The following ZBP1 variants were observed in gnomAD, a reference collection of about 807,000 sequenced individuals.
The protein encoded by ZBP1 is Z-DNA-binding protein 1.
ZBP1 carries 42 observed loss-of-function variants against 41.1 expected under a neutral mutation model. That is an observed-to-expected ratio of 1.02 (90% CI 0.80 to 1.32). The LOEUF (loss-of-function observed/expected upper bound fraction) is 1.32, where lower values mean the gene tolerates loss of function less well. Ranked by LOEUF, ZBP1 falls within the 40% of genes most tolerant of loss-of-function variation. The pLI, the probability that ZBP1 is intolerant of heterozygous loss-of-function variation, is 0.00. For synonymous variants in ZBP1, 214 were observed against 205.2 expected (o/e 1.04, Z -0.37); for missense variants, 562 against 549.7 (o/e 1.02, Z -0.22).
rs2070650389 is a variant in ZBP1, at chr20:57,610,948, T to C, written c.875-581A>G. On this transcript the variant is annotated intron_variant, in intron 6 of 7. Transcript: ENST00000371173. The surrounding 1 kb of genome is among the most constrained non-coding windows in gnomAD (Gnocchi z 5.5). The stretch of plus-strand genomic sequence containing the variant: ...GCCTGGCCCCTCTCTGGAGACTCCT[T>C]TCCCGGGGCCTCTGCTTTCCTCCTC... 6.6e-6 allele frequency among the ~76,000 whole-genome samples: 1 copy of C among 152,228 alleles called. No homozygotes were observed. Among genetic ancestry groups the C allele is most frequent in the South Asian group, 2.1e-4 (1 of 4,814 alleles).
At position 57,610,364 on chromosome 20, in the gene ZBP1, G is replaced by C. The variant is rs1313274824; in HGVS notation, c.878C>G (p.Ser293Cys). The change falls in exon 7 of 8, where the codon TCT (serine) becomes TGT (cysteine). Residue 293 changes from serine to cysteine, a missense_variant. By Grantham distance (112) the Ser-to-Cys change is moderately radical (BLOSUM62 -1). Coordinates refer to ENST00000371173, the MANE Select transcript of ZBP1 (RefSeq NM_030776.3). This position sits in a 1 kb window ranked among gnomAD's most constrained non-coding sequence, Gnocchi z 5.5. ...AGCTTCTGGGCCGGCAGCAGTGGCA[G>C]AGACTGTGGGTCAAAGGGAGAGAGG... is the stretch of plus-strand genomic sequence containing the variant. ...AHIPPGSPPV[S>C]ATAAGPEASF... 6.2e-7 allele frequency: 1 copy of C among 1,614,174 alleles called. No individual in the cohort carries two copies. Among genetic ancestry groups the C allele is most frequent in the Non-Finnish European group, 8.5e-7 (1 of 1,179,996 alleles).
chr20:57,611,546 C>T (rs1054269793), intron 6 of ZBP1, among the ~76,000 whole-genome samples, 181 bp downstream of exon 6: 4 of 151,376 alleles, frequency 2.6e-5, no homozygotes, highest in African/African-American at 7.3e-5. Context: ...TGTGAGCTCC[C>T]GCGCCCAGCC....
At chr20:57,609,670 G>GT (rs1051741584) in intron 7 of ZBP1, among the ~76,000 whole-genome samples, 1 of 152,046 alleles carries the variant, frequency 6.6e-6, no homozygotes, top group Non-Finnish European at 1.5e-5. Flanking sequence ...AGCAGGCGGG[G>GT]CCACCGTGTG....
chr20:57,619,643 C>CTGTGACATG (rs2070945554), intron 1 of ZBP1, among the ~76,000 whole-genome samples: 2 of 152,110 alleles, frequency 1.3e-5, no homozygotes, highest in Non-Finnish European at 2.9e-5. Flanking sequence ...GGTGTTCAGA[C>CTGTGACATG]GCTAACACCA....
At chr20:57,611,031 G>T (rs185968853) in intron 6 of ZBP1, among the ~76,000 whole-genome samples, 5 of 152,118 alleles carry the variant, frequency 3.3e-5, no homozygotes, top group African/African-American at 4.8e-5. Flanking sequence ...TTCCCAGTGT[G>T]GGGGAGGCCT....
At chr20:57,619,013 A>G (rs1415537888) in intron 1 of ZBP1, among the ~76,000 whole-genome samples, 2 of 152,236 alleles carry the variant, frequency 1.3e-5, no homozygotes, top group African/African-American at 4.8e-5. Context: ...GCTGAGTCCC[A>G]GGCTACTGTG....
At chr20:57,615,609 T>TG (rs776903158) in intron 2 of ZBP1, 29 bp from the exon 3 acceptor site, 94 of 1,601,432 alleles carry the variant, frequency 5.9e-5, no homozygotes, top group Non-Finnish European at 7.4e-5. Flanking sequence ...GTCAGAGGGG[T>TG]GGGGGACAGA....
At position 57,619,959 on chromosome 20, in the gene ZBP1, C is replaced by T. The variant is rs181148193; in HGVS notation, c.34+303G>A. On this transcript the variant is annotated intron_variant, in intron 1 of 7. Coordinates refer to ENST00000371173, the MANE Select transcript of ZBP1 (RefSeq NM_030776.3). ...TCAAGCGATTCTCCAGCCTCAGCAT[C>T]CCGAGTAGCTGGGATCACAGGCATG... is the stretch of plus-strand genomic sequence containing the variant. 3.9e-5 allele frequency among the ~76,000 whole-genome samples: 6 copies of T among 152,174 alleles called. No individual in the cohort carries two copies. In the East Asian group the frequency reaches 9.7e-4, roughly 25 times the overall value.
In ZBP1 at chr20:57,610,357, A is replaced by T; in HGVS notation, c.885T>A (p.Thr295=). 6.2e-7 allele frequency: 1 copy of T among 1,614,184 alleles called. No homozygotes were observed. The highest frequency in any genetic ancestry group is 8.5e-7 in the Non-Finnish European group (1 of 1,180,030). The change falls in exon 7 of 8, where the codon ACT becomes ACA. Residue 295 remains threonine, a synonymous_variant. Transcript: ENST00000371173. This position sits in a 1 kb window ranked among gnomAD's most constrained non-coding sequence, Gnocchi z 5.5. ...CAAACGAAGCTTCTGGGCCGGCAGC[A>T]GTGGCAGAGACTGTGGGTCAAAGGG... ...IPPGSPPVSA[T]AAGPEASFEA...
chr20:57,605,297 T>A (rs1403826453), intron 7 of ZBP1, among the ~76,000 whole-genome samples: 3 of 152,218 alleles, frequency 2.0e-5, no homozygotes, highest in Non-Finnish European at 2.9e-5. Context: ...AGTTGAAGGT[T>A]TGTGGCACCC....
chr20:57,615,174 C>G (rs995425604), intron 3 of ZBP1, 114 bp from the exon 4 acceptor site: 1 of 1,172,762 alleles, frequency 8.5e-7, no homozygotes. Context: ...GTTTCCTCAT[C>G]TGTAAAATGG....
chr20:57,618,738 C>T (rs926190098), intron 1 of ZBP1, among the ~76,000 whole-genome samples: 7 of 152,204 alleles, frequency 4.6e-5, no homozygotes, highest in East Asian at 3.8e-4. Flanking sequence ...CGCACCACTA[C>T]ACCCGGCTGA....
At chr20:57,608,554 G>A (rs193134616) in intron 7 of ZBP1, among the ~76,000 whole-genome samples, 107 of 152,378 alleles carry the variant, frequency 7.0e-4, no homozygotes, top group African/African-American at 2.5e-3. Flanking sequence ...CCCATCTGGT[G>A]GCACATGCCC....
chr20:57,607,125 C>A (rs937891572), intron 7 of ZBP1: 10 of 1,304,154 alleles, frequency 7.7e-6, no homozygotes, highest in African/African-American at 7.6e-5. Context: ...TCAGATGGAT[C>A]TGGGCAAAGT....
rs763278771 is a variant in ZBP1 at position 57,610,812 on chromosome 20, G to A, written c.875-445C>T. ...TGAAGAATCATCCACACTGAGTCCC[G>A]CCCCCTCCACCCCCGAGACCTCTTC... On this transcript the variant is annotated intron_variant, in intron 6 of 7. Coordinates refer to ENST00000371173, the MANE Select transcript of ZBP1 (RefSeq NM_030776.3). The surrounding 1 kb of genome is among the most constrained non-coding windows in gnomAD (Gnocchi z 5.5). 1.7e-4 allele frequency: 38 copies of A among 226,104 alleles called. 1 individual carries two copies. The highest frequency in any genetic ancestry group is 2.5e-4 in the Non-Finnish European group (28 of 114,116). 14.0% of individuals were successfully genotyped at this position (226,104 alleles called of 1,614,324 possible).
At chr20:57,616,207 T>A (rs760537726) in intron 2 of ZBP1, 37 bp downstream of exon 2, 1 of 1,598,744 alleles carries the variant, frequency 6.3e-7, no homozygotes, top group African/African-American at 1.3e-5. Context: ...GGATGCTCCC[T>A]GCAGGGTCAG....
chr20:57,611,854 C>T lies in ZBP1; in HGVS notation c.747G>A (p.Trp249Ter), dbSNP rs2070682865. Residue 249 changes from tryptophan to a stop codon, truncating the protein, a stop_gained, in exon 6 of 8, where the codon TGG (tryptophan) becomes TGA (stop). Transcript: ENST00000371173. LOFTEE classifies it high-confidence loss of function. ...SSTWGTLVDP[W>*]GPQDIHMEQS... Reference sequence around the variant, plus strand: ...GCTCCATGTGGATGTCCTGGGGCCCCCAGGGATCAACTAGGGTCCCCCAAG... The same window carrying T: ...GCTCCATGTGGATGTCCTGGGGCCCTCAGGGATCAACTAGGGTCCCCCAAG... 6.3e-7 allele frequency: 1 copy of T among 1,594,530 alleles called. No individual in the cohort carries two copies. Among genetic ancestry groups the T allele is most frequent in the Admixed American group, 1.8e-5 (1 of 56,994 alleles).
intron 2 of ZBP1, 95 bp downstream of exon 2, chr20:57,616,149 A>G (rs2070818284): frequency 1.7e-6 from 2 of 1,159,122 alleles, no homozygotes; most frequent in South Asian, 1.4e-5. Context: ...CCCATGTGGC[A>G]GAGTTCAGAT....
chr20:57,612,489 G>T (rs1030090990), intron 5 of ZBP1, among the ~76,000 whole-genome samples: 3 of 152,164 alleles, frequency 2.0e-5, no homozygotes, highest in African/African-American at 7.2e-5. Context: ...CTAGAACAAG[G>T]TTCCTCATTT....
Sources: allele counts gnomAD v4.1 joint callset (sites outside exome capture counted in the v4.1 genomes callset), GRCh38; gene constraint gnomAD v4.1.1; non-coding constraint Gnocchi (gnomAD v3.1); transcripts MANE v1.5; gene names NCBI Gene and HGNC (gene_info 2026-07-23, HGNC 2026-07-21).